The following PTPN4 variants were observed in gnomAD, a reference collection of about 807,000 sequenced individuals.
The protein encoded by PTPN4 is tyrosine-protein phosphatase non-receptor type 4.
Under a neutral mutation model 135.5 loss-of-function variants are expected in PTPN4, and 49 were observed. That is an observed-to-expected ratio of 0.36 (90% CI 0.29 to 0.46). The LOEUF (loss-of-function observed/expected upper bound fraction) is 0.46. PTPN4 is among the 20% of genes least tolerant of loss of function. The pLI is 1.00. For synonymous variants in PTPN4, 333 were observed against 369.9 expected (o/e 0.90, Z 1.14); for missense variants, 860 against 1,101.0 (o/e 0.78, Z 3.10).
intron 2 of PTPN4, among the ~76,000 whole-genome samples, chr2:119,858,870 G>A (rs536472467): frequency 1.3e-5 from 2 of 151,990 alleles, no homozygotes; most frequent in African/African-American, 4.8e-5. Context: ...TCCTGACCTC[G>A]TAATCTGCCC....
chr2:119,855,069 A>G (rs1398787831), intron 2 of PTPN4, among the ~76,000 whole-genome samples: 1 of 152,174 alleles, frequency 6.6e-6, no homozygotes, highest in Non-Finnish European at 1.5e-5. Context: ...GGAAATATTA[A>G]GTACTGATCT....
At chr2:119,956,733 A>G in intron 20 of PTPN4, 111 bp from the exon 21 acceptor site, 1 of 1,545,408 alleles carries the variant, frequency 6.5e-7, no homozygotes, top group South Asian at 1.2e-5. Context: ...TAGATGACCT[A>G]TTCAAAGGCA....
intron 1 of PTPN4, among the ~76,000 whole-genome samples, chr2:119,761,347 A>G (rs1379871570): frequency 6.6e-6 from 1 of 152,198 alleles, no homozygotes; most frequent in Non-Finnish European, 1.5e-5. Context: ...CAGAGGAAAA[A>G]AATTTTTTTT....
At chr2:119,922,830 C>A (rs1256916989) in intron 12 of PTPN4, among the ~76,000 whole-genome samples, 1 of 152,178 alleles carries the variant, frequency 6.6e-6, no homozygotes, top group Non-Finnish European at 1.5e-5. Context: ...TTTGAACATT[C>A]AAATTCTTTA....
chr2:119,918,935 A>T (rs771432891), intron 11 of PTPN4, among the ~76,000 whole-genome samples: 12 of 152,266 alleles, frequency 7.9e-5, no homozygotes, highest in Non-Finnish European at 1.8e-4. Flanking sequence ...AATTTATATC[A>T]GAAACATAAT....
At chr2:119,839,985 G>A (rs1677356575) in intron 2 of PTPN4, among the ~76,000 whole-genome samples, 1 of 152,132 alleles carries the variant, frequency 6.6e-6, no homozygotes, top group African/African-American at 2.4e-5. Flanking sequence ...GAAGAAGTAG[G>A]TTTCAATGGA....
chr2:119,920,145 TAGAAC>T lies in PTPN4; in HGVS notation c.907_911del (p.Glu303SerfsTer34), dbSNP rs1439283690. The T allele has an allele frequency of 6.2e-7, 1 of 1,613,582 alleles. No individual in the cohort carries two copies. The highest frequency in any genetic ancestry group is 1.3e-5 in the African/African-American group (1 of 74,928). On this transcript the variant is annotated frameshift_variant, in exon 12 of 27. Transcript: ENST00000263708. LOFTEE classifies it high-confidence loss of function. The stretch of plus-strand genomic sequence containing the variant: ...TGTAAAAATTTGTGGAAAGCATGTG[TAGAAC>T]ATCACACATTCTTCCGTTTGGACAG...
At chr2:119,831,406 A>G (rs151182317) in intron 2 of PTPN4, among the ~76,000 whole-genome samples, 9 of 152,290 alleles carry the variant, frequency 5.9e-5, no homozygotes, top group African/African-American at 1.9e-4. Flanking sequence ...AATAAATGGA[A>G]TAGTTTATTT....
intron 2 of PTPN4, among the ~76,000 whole-genome samples, chr2:119,844,697 C>G (rs1324744926): frequency 1.3e-5 from 2 of 150,554 alleles, no homozygotes; most frequent in African/African-American, 2.4e-5. Context: ...GATGTGATGG[C>G]GGCTGGGAAG....
At chr2:119,935,629 A>G (rs1678971415) in intron 15 of PTPN4, among the ~76,000 whole-genome samples, 1 of 152,216 alleles carries the variant, frequency 6.6e-6, no homozygotes, top group African/African-American at 2.4e-5. Flanking sequence ...ATGGAGAAAT[A>G]GGACAGATAC....
chr2:119,900,720 TC>T lies in PTPN4; in HGVS notation c.679del (p.Gln227ArgfsTer7). On this transcript the variant is annotated frameshift_variant, in exon 10 of 27. Transcript: ENST00000263708. LOFTEE classifies it high-confidence loss of function. ...GTTTTTATTCATTTTTTTTGAAGGA[TC>T]AGAGTAACAATGAAATTATGATTGG... ...YGVEFHYARD[Q>X]SNNEIMIGVM... 6.4e-7 allele frequency: 1 copy of T among 1,555,646 alleles called. No homozygotes were observed. Among genetic ancestry groups the T allele is most frequent in the Non-Finnish European group, 8.7e-7 (1 of 1,144,970 alleles).
Position 119,980,249 on chromosome 2 carries a change from CTACTT to C in PTPN4, c.*3181_*3185del, listed in dbSNP as rs1679672460. 1.3e-5 allele frequency: 2 copies of C among 151,836 alleles called. No homozygotes were observed. Among genetic ancestry groups the C allele is most frequent in the South Asian group, 4.1e-4 (2 of 4,824 alleles). 9.4% of individuals were successfully genotyped at this position (151,836 alleles called of 1,614,324 possible). ...CAAATATGTGTACACACACATAGAG[CTACTT>C]TTGTGTGTTTATTTATATGTATATT... On this transcript the variant is annotated 3_prime_UTR_variant, in exon 27 of 27. Coordinates refer to ENST00000263708, the MANE Select transcript of PTPN4 (RefSeq NM_002830.4).
chr2:119,824,178 A>C lies in PTPN4; in HGVS notation c.138+14187A>C, dbSNP rs557673976. ...TAGAGAACATACTTTGTATGATTTC[A>C]GTTCTTTTAAATTTGATAAGGTTTG... On this transcript the variant is annotated intron_variant, in intron 2 of 26. Transcript: ENST00000263708. 2.0e-5 allele frequency among the ~76,000 whole-genome samples: 3 copies of C among 152,244 alleles called. 1 individual carries two copies. The South Asian group carries it at 6.2e-4, about 32-fold the overall frequency.
chr2:119,833,890 A>T (rs1397839131), intron 2 of PTPN4, among the ~76,000 whole-genome samples: 1 of 151,808 alleles, frequency 6.6e-6, no homozygotes, highest in Admixed American at 6.6e-5. Context: ...TGCTATCCAG[A>T]CTCTGGGCTT....
At chr2:119,870,336 A>G (rs907989462) in intron 3 of PTPN4, among the ~76,000 whole-genome samples, 7 of 152,218 alleles carry the variant, frequency 4.6e-5, no homozygotes, top group African/African-American at 1.7e-4. Context: ...GGAAGATATA[A>G]TAGAAATTAT....
chr2:119,801,144 A>G (rs1487463473), intron 1 of PTPN4, among the ~76,000 whole-genome samples: 1 of 152,216 alleles, frequency 6.6e-6, no homozygotes, highest in Non-Finnish European at 1.5e-5. Context: ...GCTGGAGTGC[A>G]GTGGCACGAT....
At chr2:119,808,321 G>C (rs2104947222) in intron 1 of PTPN4, among the ~76,000 whole-genome samples, 1 of 152,266 alleles carries the variant, frequency 6.6e-6, no homozygotes, top group South Asian at 2.1e-4. Context: ...TGTATATATA[G>C]AAAACCCCAT....
intron 2 of PTPN4, among the ~76,000 whole-genome samples, chr2:119,829,884 A>G (rs1182617085): frequency 6.6e-6 from 1 of 152,146 alleles, no homozygotes; most frequent in Non-Finnish European, 1.5e-5. Context: ...CCTTTAAGAA[A>G]CTGCCAAGCT....
intron 15 of PTPN4, among the ~76,000 whole-genome samples, chr2:119,937,789 A>G (rs972410912): frequency 1.3e-4 from 20 of 152,102 alleles, no homozygotes; most frequent in Admixed American, 3.9e-4. Context: ...CAGATTGCCA[A>G]GTGTGGTGGT....
Sources: allele counts gnomAD v4.1 joint callset (sites outside exome capture counted in the v4.1 genomes callset), GRCh38; gene constraint gnomAD v4.1.1; transcripts MANE v1.5; gene names NCBI Gene and HGNC (gene_info 2026-07-23, HGNC 2026-07-21).